Variants in RHOQ observed in about 807,000 individuals in gnomAD.
The protein encoded by RHOQ is rho-related GTP-binding protein RhoQ.
A neutral mutation model predicts 25.8 loss-of-function variants in RHOQ; 7 were observed. That is an observed-to-expected ratio of 0.27 (90% CI 0.15 to 0.51). The LOEUF (loss-of-function observed/expected upper bound fraction) is 0.51. Among genes scored for constraint, RHOQ ranks in the 20% least tolerant of loss-of-function variants. The probability of loss-of-function intolerance (pLI) is 0.97; values close to 1 mark genes in which losing one functional copy is unlikely to be tolerated. For synonymous variants in RHOQ, 97 were observed against 98.6 expected (o/e 0.98, Z 0.10); for missense variants, 165 against 260.6 (o/e 0.63, Z 2.53).
chr2:46,567,226 T>C (rs899922271), intron 2 of RHOQ, among the ~76,000 whole-genome samples: 6 of 152,242 alleles, frequency 3.9e-5, no homozygotes, highest in African/African-American at 1.4e-4. Flanking sequence ...AATGAAGTAA[T>C]CAGGCCTGCA....
In RHOQ at chr2:46,552,311, G is replaced by A. The variant is rs561545257; in HGVS notation, c.201+8499G>A. Reference sequence around the variant, plus strand: ...GCTGATGGCCCCATTGCTCAAGTACGTGTGGAAGAAGCTCATGCCATTTGC... The same window carrying A: ...GCTGATGGCCCCATTGCTCAAGTACATGTGGAAGAAGCTCATGCCATTTGC... On this transcript the variant is annotated intron_variant, in intron 2 of 4. Transcript: ENST00000238738. This position sits in a 1 kb window ranked among gnomAD's most constrained non-coding sequence, Gnocchi z 5.0. 2.6e-5 allele frequency among the ~76,000 whole-genome samples: 4 copies of A among 152,298 alleles called. No individual in the cohort carries two copies. Among genetic ancestry groups the A allele is most frequent in the South Asian group, 2.1e-4 (1 of 4,832 alleles).
At chr2:46,543,629 C>T in intron 1 of RHOQ, 125 bp from the exon 2 acceptor site, 1 of 791,208 alleles carries the variant, frequency 1.3e-6, no homozygotes, top group Admixed American at 2.1e-5. Context: ...GGGGTGACAT[C>T]TCGCGGGGAG....
chr2:46,545,587 A>G (rs1668019328), intron 2 of RHOQ, among the ~76,000 whole-genome samples: 1 of 152,196 alleles, frequency 6.6e-6, no homozygotes. Flanking sequence ...GTGAGGAAAC[A>G]GGCTCAGAGA....
At chr2:46,545,622 C>G (rs1449054354) in intron 2 of RHOQ, among the ~76,000 whole-genome samples, 1 of 152,182 alleles carries the variant, frequency 6.6e-6, no homozygotes, top group African/African-American at 2.4e-5. Flanking sequence ...CCTGAGGTCA[C>G]ACAGCTACTG....
chr2:46,549,407 A>G (rs1668171134), intron 2 of RHOQ, among the ~76,000 whole-genome samples: 1 of 151,978 alleles, frequency 6.6e-6, no homozygotes. Flanking sequence ...AAGAGATTAG[A>G]TCTAATGGTA....
chr2:46,555,291 T>C lies in RHOQ; in HGVS notation c.201+11479T>C, dbSNP rs1668379581. Among the ~76,000 whole-genome samples, 1 of 152,244 alleles carries C rather than the reference T, an allele frequency of 6.6e-6. No individual in the cohort carries two copies. Among genetic ancestry groups the C allele is most frequent in the Admixed American group, 6.5e-5 (1 of 15,286 alleles). ...GGCTGCACTCTAGCATTTGGTTTTATTCATGTGTAAATCTTTGCTCCCCAT... is the reference window on the plus strand; with the variant it reads ...GGCTGCACTCTAGCATTTGGTTTTACTCATGTGTAAATCTTTGCTCCCCAT... On this transcript the variant is annotated intron_variant, in intron 2 of 4. Transcript: ENST00000238738. The surrounding 1 kb of genome is among the most constrained non-coding windows in gnomAD (Gnocchi z 4.3).
intron 2 of RHOQ, among the ~76,000 whole-genome samples, chr2:46,559,702 CACTT>C (rs374669546): frequency 1.2e-3 from 180 of 152,344 alleles, no homozygotes; most frequent in African/African-American, 3.9e-3. Context: ...CACCAGTCCT[CACTT>C]ACCCCACCCC....
intron 2 of RHOQ, chr2:46,568,463 G>A (rs1251676826): frequency 6.6e-6 from 1 of 152,166 alleles, no homozygotes; most frequent in African/African-American, 2.4e-5. Flanking sequence ...CTGTGCTACT[G>A]GACCACCTTG....
rs1157755388 is a variant in RHOQ at position 46,546,507 on chromosome 2, TATATGTATATAC to T, written c.201+2700_201+2711del. On this transcript the variant is annotated intron_variant, in intron 2 of 4. Coordinates refer to ENST00000238738, the MANE Select transcript of RHOQ (RefSeq NM_012249.4). Reference sequence around the variant, plus strand: ...ATATATATATATATATATATATATATATATGTATATACATATATATATATACACAAATCCTTA... The same window carrying T: ...ATATATATATATATATATATATATATATATATATATATACACAAATCCTTA... Among the ~76,000 whole-genome samples the T allele has an allele frequency of 8.1e-3, 176 of 21,806 alleles. 15 individuals are homozygous for T. The highest frequency in any genetic ancestry group is 0.013 in the South Asian group (6 of 470). 14.3% of individuals were successfully genotyped at this position (21,806 alleles called of 152,430 possible).
At chr2:46,568,928 A>T (rs1342271024) in intron 2 of RHOQ, 2 of 152,218 alleles carry the variant, frequency 1.3e-5, no homozygotes, top group Non-Finnish European at 2.9e-5. Flanking sequence ...TTAGGAAAGG[A>T]GTATACCACA....
In RHOQ at chr2:46,582,324, T is replaced by A. The variant is rs1332507117; in HGVS notation, c.*1241T>A. 1 of 152,092 alleles carries A rather than the reference T, an allele frequency of 6.6e-6. No homozygotes were observed. Among genetic ancestry groups the A allele is most frequent in the Non-Finnish European group, 1.5e-5 (1 of 68,008 alleles). The allele number at this position is 152,092 out of a possible 1,614,324, so 9.4% of individuals were successfully genotyped here. On this transcript the variant is annotated 3_prime_UTR_variant, in exon 5 of 5. Coordinates refer to ENST00000238738, the MANE Select transcript of RHOQ (RefSeq NM_012249.4). ...AAGTTGGAGGAAAATTTTCATGTTC[T>A]TCTGTGAAGCTTATTTGGTACACTG... is the stretch of plus-strand genomic sequence containing the variant.
intron 4 of RHOQ, 118 bp from the exon 5 acceptor site, chr2:46,580,810 T>C: frequency 1.5e-6 from 1 of 689,072 alleles, no homozygotes; most frequent in Non-Finnish European, 2.3e-6. Context: ...ACATGGATGA[T>C]GAATGTATTC....
chr2:46,551,201 C>G (rs1668231184), intron 2 of RHOQ, among the ~76,000 whole-genome samples: 1 of 152,190 alleles, frequency 6.6e-6, no homozygotes, highest in Non-Finnish European at 1.5e-5. Flanking sequence ...CTTCCCAGCT[C>G]CCAGATAAGG....
Position 46,581,649 on chromosome 2 carries a change from C to T in RHOQ, c.*566C>T, listed in dbSNP as rs1669380832. 1 of 1,562,940 alleles carries T rather than the reference C, an allele frequency of 6.4e-7. No individual in the cohort carries two copies. The highest frequency in any genetic ancestry group is 2.4e-5 in the East Asian group (1 of 42,330). On this transcript the variant is annotated 3_prime_UTR_variant, in exon 5 of 5. Coordinates refer to ENST00000238738, the MANE Select transcript of RHOQ (RefSeq NM_012249.4). ...CAAATGTTTTATTATTACTTGAGCA[C>T]AAGTGTAACCTAAATATTTCTATAT...
chr2:46,565,350 G>A (rs909263587), intron 2 of RHOQ, among the ~76,000 whole-genome samples: 2 of 152,202 alleles, frequency 1.3e-5, no homozygotes, highest in Admixed American at 6.5e-5. Flanking sequence ...GGAGAAGAAT[G>A]CTGGATAGAC....
At chr2:46,561,739 C>T (rs572768837) in intron 2 of RHOQ, among the ~76,000 whole-genome samples, 20 of 152,250 alleles carry the variant, frequency 1.3e-4, no homozygotes, top group African/African-American at 4.8e-4. Context: ...TTTGAGGCTT[C>T]CTTGGACCCG....
At position 46,548,857 on chromosome 2, in the gene RHOQ, T is replaced by C. The variant is rs968619471; in HGVS notation, c.201+5045T>C. ...GGGAATGCTGGTTTCCTCCTCTGCG[T>C]TGGGAAGGTGGATAGCCTTTGTTGA... On this transcript the variant is annotated intron_variant, in intron 2 of 4. Transcript: ENST00000238738. This position sits in a 1 kb window ranked among gnomAD's most constrained non-coding sequence, Gnocchi z 5.2. 1.3e-5 allele frequency among the ~76,000 whole-genome samples: 2 copies of C among 152,230 alleles called. No individual in the cohort carries two copies. Among genetic ancestry groups the C allele is most frequent in the African/African-American group, 2.4e-5 (1 of 41,460 alleles).
rs1259351713 is a variant in RHOQ at position 46,569,667 on chromosome 2, T to A, written c.202-6420T>A. ...CTCTAGCTCCTAAATAATTGGTATA[T>A]TAATTAGGAGGCTGACTTATTATAA... On this transcript the variant is annotated intron_variant, in intron 2 of 4. Transcript: ENST00000238738. The surrounding 1 kb of genome is among the most constrained non-coding windows in gnomAD (Gnocchi z 4.1). The A allele has an allele frequency of 6.6e-6, 1 of 152,210 alleles. No homozygotes were observed. Among genetic ancestry groups the A allele is most frequent in the African/African-American group, 2.4e-5 (1 of 41,442 alleles). The allele number at this position is 152,210 out of a possible 1,614,324, so 9.4% of individuals were successfully genotyped here. A position where few individuals can be genotyped will look rare whatever the true frequency, so the allele number is the denominator to read the frequency against.
At chr2:46,543,706 C>A in intron 1 of RHOQ, 48 bp from the exon 2 acceptor site, 1 of 1,576,122 alleles carries the variant, frequency 6.3e-7, no homozygotes, top group Non-Finnish European at 8.7e-7. Flanking sequence ...GCCCCAGAGC[C>A]CAGGTCACTG....
Sources: allele counts gnomAD v4.1 joint callset (sites outside exome capture counted in the v4.1 genomes callset), GRCh38; gene constraint gnomAD v4.1.1; non-coding constraint Gnocchi (gnomAD v3.1); transcripts MANE v1.5; gene names NCBI Gene and HGNC (gene_info 2026-07-23, HGNC 2026-07-21).